The following AFAP1 variants were observed in gnomAD, a reference collection of about 807,000 sequenced individuals.
The protein encoded by AFAP1 is actin filament-associated protein 1.
AFAP1 carries 75 observed loss-of-function variants against 93.9 expected under a neutral mutation model. The ratio of observed to expected loss-of-function variants is 0.80; its 90% CI spans 0.66 to 0.97. The LOEUF is 0.97. Among genes scored for constraint, AFAP1 ranks in the 50% least tolerant of loss-of-function variants. AFAP1 has a pLI of 0.00. For missense variants in AFAP1, 1,201 were observed against 1,050.8 expected, an observed-to-expected ratio of 1.14 and a Z score of -1.98; for synonymous variants, 517 against 430.7, an observed-to-expected ratio of 1.20 and a Z score of -2.48.
chr4:7,796,546 G>A (rs557505943), intron 10 of AFAP1, among the ~76,000 whole-genome samples: 38 of 150,654 alleles, frequency 2.5e-4, no homozygotes, highest in Non-Finnish European at 4.7e-4. Context: ...TCAGGAGATC[G>A]AGACCATCCT....
chr4:7,879,420 G>A (rs1222903408), intron 1 of AFAP1, among the ~76,000 whole-genome samples: 1 of 152,118 alleles, frequency 6.6e-6, no homozygotes, highest in Non-Finnish European at 1.5e-5. Context: ...CGACACCCCA[G>A]CCCCGACACC....
intron 11 of AFAP1, among the ~76,000 whole-genome samples, chr4:7,792,819 C>T (rs1462473967): frequency 6.6e-6 from 1 of 152,180 alleles, no homozygotes; most frequent in African/African-American, 2.4e-5. Flanking sequence ...TCCTCAAGGA[C>T]ATCTTAAGTG....
intron 4 of AFAP1, among the ~76,000 whole-genome samples, chr4:7,848,121 AAGGAAGGGAGTGAGTG>A (rs1186004422): frequency 8.5e-6 from 1 of 117,760 alleles, no homozygotes; most frequent in Non-Finnish European, 1.7e-5. Flanking sequence ...GGAAGGAAGG[AAGGAAGGGAGTGAGTG>A]AGGGAGTGAA....
intron 10 of AFAP1, among the ~76,000 whole-genome samples, chr4:7,798,312 C>A (rs1427488357): frequency 3.6e-5 from 5 of 138,012 alleles, no homozygotes; most frequent in Non-Finnish European, 1.6e-5. Context: ...ACCCTATTGG[C>A]TGGCTCACGG....
chr4:7,767,964 T>C (rs888855415), intron 17 of AFAP1, among the ~76,000 whole-genome samples: 1 of 152,132 alleles, frequency 6.6e-6, no homozygotes, highest in Non-Finnish European at 1.5e-5. Context: ...CAGTCCCAGC[T>C]ACTTGGGAGG....
At chr4:7,852,330 G>T (rs942219830) in intron 4 of AFAP1, among the ~76,000 whole-genome samples, 2 of 152,142 alleles carry the variant, frequency 1.3e-5, no homozygotes, top group Admixed American at 1.3e-4. Context: ...GCAAGATATG[G>T]CAATGGTTTC....
chr4:7,874,356 CTTT>C (rs869214535), intron 1 of AFAP1, among the ~76,000 whole-genome samples: 409 of 92,364 alleles, frequency 4.4e-3, no homozygotes, highest in African/African-American at 0.016. Flanking sequence ...TTGCCTTTTT[CTTT>C]TTTTTTTTTT....
intron 1 of AFAP1, among the ~76,000 whole-genome samples, chr4:7,890,543 A>G (rs1297626170): frequency 6.6e-6 from 1 of 152,238 alleles, no homozygotes; most frequent in Non-Finnish European, 1.5e-5. Context: ...TAAGAAAATC[A>G]GAAGAAAATA....
intron 10 of AFAP1, among the ~76,000 whole-genome samples, chr4:7,795,356 C>G (rs181242061): frequency 6.9e-6 from 1 of 144,848 alleles, no homozygotes; most frequent in South Asian, 2.2e-4. Flanking sequence ...ACAAAAAAAA[C>G]CACAAATGTG....
At chr4:7,779,154 T>C (rs1475273833) in intron 13 of AFAP1, 2 of 386,222 alleles carry the variant, frequency 5.2e-6, no homozygotes, top group Admixed American at 4.4e-5. Flanking sequence ...AGACCACAAA[T>C]GCTAACCAAG....
chr4:7,885,086 A>G (rs956905106), intron 1 of AFAP1, among the ~76,000 whole-genome samples: 1 of 152,230 alleles, frequency 6.6e-6, no homozygotes, highest in African/African-American at 2.4e-5. Context: ...TCAGGCTCCA[A>G]TTAAGAAACA....
chr4:7,810,396 GA>G (rs1421998714), intron 8 of AFAP1, among the ~76,000 whole-genome samples: 5 of 152,226 alleles, frequency 3.3e-5, no homozygotes, highest in Non-Finnish European at 7.3e-5. Context: ...GTCCAGGTAA[GA>G]AAAACATCAC....
At chr4:7,848,140 G>T (rs535312385) in intron 4 of AFAP1, among the ~76,000 whole-genome samples, 160 of 132,452 alleles carry the variant, frequency 1.2e-3, no homozygotes, top group African/African-American at 4.3e-3. Flanking sequence ...AGTGAGTGAG[G>T]GAGTGAACAG....
In AFAP1 at chr4:7,816,074, G is replaced by C; in HGVS notation, c.848C>G (p.Ser283Ter). The C allele has an allele frequency of 6.2e-7, 1 of 1,612,762 alleles. No individual in the cohort carries two copies. Among genetic ancestry groups the C allele is most frequent in the Non-Finnish European group, 8.5e-7 (1 of 1,179,634 alleles). Residue 283 changes from serine (S) to a stop codon, truncating the protein, a stop_gained, in exon 8 of 18, where the codon TCA (serine) becomes TGA (stop). Transcript: ENST00000420658. LOFTEE classifies it high-confidence loss of function. ...ATTTTCCACAACACCCTCCCCATCT[G>C]AGCTGGGTCTCTCTGAAGACAGTTT... ...EKKLSSERPS[S>*]DGEGVVENGI... is the part of the protein sequence containing the mutation.
At chr4:7,883,172 T>G (rs1577332138) in intron 1 of AFAP1, among the ~76,000 whole-genome samples, 2 of 96,862 alleles carry the variant, frequency 2.1e-5, no homozygotes, top group Non-Finnish European at 1.9e-5. Flanking sequence ...GGCAACAGAG[T>G]GAAACCCTAT....
At chr4:7,896,004 G>A (rs1411169966) in intron 1 of AFAP1, among the ~76,000 whole-genome samples, 1 of 151,914 alleles carries the variant, frequency 6.6e-6, no homozygotes. Context: ...GGTATTACAG[G>A]CATGTGCCAC....
chr4:7,781,961 C>T (rs766999798), intron 12 of AFAP1, among the ~76,000 whole-genome samples: 7 of 152,102 alleles, frequency 4.6e-5, no homozygotes, highest in Non-Finnish European at 1.0e-4. Context: ...AAGGAAAAAG[C>T]AATGTTGATT....
chr4:7,799,407 A>T (rs745563583), intron 10 of AFAP1, among the ~76,000 whole-genome samples: 5 of 152,092 alleles, frequency 3.3e-5, no homozygotes, highest in African/African-American at 4.8e-5. Flanking sequence ...CTTCAGAAAG[A>T]CTGCCTGACT....
At chr4:7,856,352 C>A (rs983685339) in intron 3 of AFAP1, among the ~76,000 whole-genome samples, 2 of 152,028 alleles carry the variant, frequency 1.3e-5, no homozygotes. Flanking sequence ...ATGCCATTCT[C>A]CTGCCTCAGC....
Sources: allele counts gnomAD v4.1 joint callset (sites outside exome capture counted in the v4.1 genomes callset), GRCh38; gene constraint gnomAD v4.1.1; transcripts MANE v1.5; gene names NCBI Gene and HGNC (gene_info 2026-07-23, HGNC 2026-07-21).